The following PRPSAP1 variants were observed in gnomAD, a reference collection of about 807,000 sequenced individuals.
PRPSAP1 encodes the protein phosphoribosyl pyrophosphate synthetase associated protein 1.
PRPSAP1 carries 31 observed loss-of-function variants against 39.4 expected under a neutral mutation model. The ratio of observed to expected loss-of-function variants is 0.79; its 90% CI spans 0.59 to 1.06. PRPSAP1 has a LOEUF of 1.06. Ranked by LOEUF, PRPSAP1 falls within the 50% of genes least tolerant of loss-of-function variation. The pLI is 0.00. For missense variants in PRPSAP1, 430 were observed against 511.6 expected (o/e 0.84, Z 1.54); for synonymous variants, 212 against 192.6 (o/e 1.10, Z -0.83).
At chr17:76,349,241 T>C (rs530067114) in intron 1 of PRPSAP1, among the ~76,000 whole-genome samples, 2 of 150,634 alleles carry the variant, frequency 1.3e-5, no homozygotes, top group Non-Finnish European at 3.0e-5. Flanking sequence ...GAGGCGGAGG[T>C]TGTGGTGAGC....
chr17:76,318,724 A>G (rs2071152860), intron 7 of PRPSAP1, among the ~76,000 whole-genome samples: 5 of 152,196 alleles, frequency 3.3e-5, no homozygotes, highest in Admixed American at 3.3e-4. Flanking sequence ...TGTGATGATA[A>G]CTGTGAAAGT....
chr17:76,347,484 C>CAAAAAAAAAA lies in PRPSAP1; in HGVS notation c.223+1035_223+1044dup, dbSNP rs71161289. 1.4e-3 allele frequency among the ~76,000 whole-genome samples: 36 copies of CAAAAAAAAAA among 25,222 alleles called. 3 individuals carry two copies. The highest frequency in any genetic ancestry group is 9.9e-3 in the East Asian group (5 of 504). The allele number at this position is 25,222 out of a possible 152,430, so 16.5% of individuals were successfully genotyped here. On this transcript the variant is annotated intron_variant, in intron 2 of 9. Coordinates refer to ENST00000446526, the MANE Select transcript of PRPSAP1 (RefSeq NM_002766.3). Reference sequence around the variant, plus strand: ...CCTGGGTGACAGAGCAAGACTCCGTCAAAAAAAAAAAAAAAAAAAAAAAAA... The same window carrying CAAAAAAAAAA: ...CCTGGGTGACAGAGCAAGACTCCGTCAAAAAAAAAAAAAAAAAAAAAAAAAAAAAAAAAAA...
At chr17:76,333,791 T>C (rs1006703002) in intron 3 of PRPSAP1, among the ~76,000 whole-genome samples, 5 of 152,212 alleles carry the variant, frequency 3.3e-5, no homozygotes, top group Non-Finnish European at 5.9e-5. Flanking sequence ...CAATTTCCAA[T>C]GATTATAAAT....
At chr17:76,317,848 A>G (rs1269661465) in intron 7 of PRPSAP1, among the ~76,000 whole-genome samples, 1 of 152,230 alleles carries the variant, frequency 6.6e-6, no homozygotes, top group Non-Finnish European at 1.5e-5. Context: ...AGTTTGTTAG[A>G]TGCCCTTGCC....
chr17:76,344,418 C>T (rs990602386), intron 3 of PRPSAP1, among the ~76,000 whole-genome samples: 2 of 150,570 alleles, frequency 1.3e-5, no homozygotes, highest in East Asian at 2.0e-4. Flanking sequence ...CGTGAGCCAT[C>T]GTGCCCAGCC....
chr17:76,346,225 C>T (rs1270179219), intron 2 of PRPSAP1: 4 of 180,754 alleles, frequency 2.2e-5, no homozygotes, highest in Admixed American at 6.2e-5. Context: ...GCACACAGAA[C>T]GCTTCATTGT....
rs969722837 is a variant in PRPSAP1 at position 76,310,074 on chromosome 17, C to G, written c.*1468G>C. On this transcript the variant is annotated 3_prime_UTR_variant, in exon 10 of 10. Coordinates refer to ENST00000446526, the MANE Select transcript of PRPSAP1 (RefSeq NM_002766.3). ...AATCTCAGCTCACTGCAATCTCTGC[C>G]TCTTGGGTTCAACCAATTAATTCTC... The G allele has an allele frequency of 6.6e-6, 1 of 151,868 alleles. No homozygotes were observed. The highest frequency in any genetic ancestry group is 1.5e-5 in the Non-Finnish European group (1 of 68,022). The allele number at this position is 151,868 out of a possible 1,614,324, so 9.4% of individuals were successfully genotyped here. A position where few individuals can be genotyped will look rare whatever the true frequency, so the allele number is the denominator to read the frequency against.
chr17:76,310,003 T>G lies in PRPSAP1; in HGVS notation c.*1539A>C, dbSNP rs1598512112. On this transcript the variant is annotated 3_prime_UTR_variant, in exon 10 of 10. Coordinates refer to ENST00000446526, the MANE Select transcript of PRPSAP1 (RefSeq NM_002766.3). ...GTTCTTTGCAGTCTTTTTTTTTTTT[T>G]GAGATGGAATCTTGCTCTGTCACTT... 1 of 151,958 alleles carries G rather than the reference T, an allele frequency of 6.6e-6. No individual in the cohort carries two copies. Among genetic ancestry groups the G allele is most frequent in the East Asian group, 1.9e-4 (1 of 5,190 alleles). The allele number at this position is 151,958 out of a possible 1,614,324, so 9.4% of individuals were successfully genotyped here.
At chr17:76,346,324 G>A (rs957993162) in intron 2 of PRPSAP1, among the ~76,000 whole-genome samples, 3 of 152,132 alleles carry the variant, frequency 2.0e-5, no homozygotes, top group African/African-American at 4.8e-5. Context: ...CTAGTTTTGA[G>A]AGACTTCCTC....
chr17:76,347,755 T>C (rs2071526079), intron 2 of PRPSAP1, among the ~76,000 whole-genome samples: 1 of 151,988 alleles, frequency 6.6e-6, no homozygotes, highest in Admixed American at 6.6e-5. Context: ...GGGGAGGCCA[T>C]GGCGTCTGTT....
At chr17:76,341,535 C>T (rs28688813) in intron 3 of PRPSAP1, among the ~76,000 whole-genome samples, 3,463 of 152,218 alleles carry the variant, frequency 0.023, 132 homozygotes, top group African/African-American at 0.08. Flanking sequence ...AGTCACTGTA[C>T]CTGGCCAACA....
intron 7 of PRPSAP1, among the ~76,000 whole-genome samples, chr17:76,326,129 G>T (rs1296923304): frequency 6.6e-6 from 1 of 152,088 alleles, no homozygotes; most frequent in African/African-American, 2.4e-5. Flanking sequence ...TGACGACAAT[G>T]AATTATAACC....
intron 1 of PRPSAP1, among the ~76,000 whole-genome samples, chr17:76,349,178 C>A (rs185591828): frequency 1.1e-4 from 16 of 151,864 alleles, no homozygotes; most frequent in African/African-American, 3.6e-4. Flanking sequence ...GTGGAGCATG[C>A]CTGTAATCTC....
intron 1 of PRPSAP1, among the ~76,000 whole-genome samples, chr17:76,350,705 T>C (rs927851469): frequency 6.6e-6 from 1 of 152,090 alleles, no homozygotes; most frequent in Non-Finnish European, 1.5e-5. Context: ...ACTGTGAATG[T>C]AGTTAAAGCC....
intron 9 of PRPSAP1, among the ~76,000 whole-genome samples, chr17:76,312,437 CAAA>C (rs10709096): frequency 7.5e-6 from 1 of 132,916 alleles, no homozygotes. Context: ...GATTCCATCT[CAAA>C]AAAAAAAAAA....
At chr17:76,343,693 G>A (rs2071464679) in intron 3 of PRPSAP1, among the ~76,000 whole-genome samples, 1 of 152,022 alleles carries the variant, frequency 6.6e-6, no homozygotes, top group South Asian at 2.1e-4. Flanking sequence ...AAATTAACTG[G>A]GCATGGTGGT....
chr17:76,331,589 A>G (rs750476259), intron 4 of PRPSAP1, among the ~76,000 whole-genome samples: 1 of 152,180 alleles, frequency 6.6e-6, no homozygotes, highest in Non-Finnish European at 1.5e-5. Context: ...GGCATTTTAT[A>G]TGGAAGACTT....
intron 7 of PRPSAP1, among the ~76,000 whole-genome samples, chr17:76,320,317 A>AAGGGAGGAAGGGAGGG (rs2071178193): frequency 9.4e-5 from 12 of 127,494 alleles, no homozygotes; most frequent in African/African-American, 1.9e-4. Context: ...GGAAGGGAGG[A>AAGGGAGGAAGGGAGGG]AGGGAAGAAG....
chr17:76,326,135 T>C (rs1471287180), intron 7 of PRPSAP1, among the ~76,000 whole-genome samples: 1 of 152,158 alleles, frequency 6.6e-6, no homozygotes, highest in Non-Finnish European at 1.5e-5. Context: ...CAATGAATTA[T>C]AACCCACTGA....
Sources: gnomAD v4.1 joint callset for allele counts (sites outside exome capture counted in the v4.1 genomes callset) on GRCh38, gnomAD v4.1.1 for gene constraint, MANE v1.5 for transcripts, NCBI Gene and HGNC (gene_info 2026-07-23, HGNC 2026-07-21) for gene names.